The following UBE3D variants were observed in gnomAD, a reference collection of about 807,000 sequenced individuals.
The protein encoded by UBE3D is ubiquitin protein ligase E3D, also known as E3 ubiquitin-protein ligase E3D.
UBE3D carries 48 observed loss-of-function variants against 49.6 expected under a neutral mutation model. That is an observed-to-expected ratio of 0.97 (90% CI 0.77 to 1.23). The LOEUF (loss-of-function observed/expected upper bound fraction) is 1.23, where lower values mean the gene tolerates loss of function less well. Ranked by LOEUF, UBE3D falls within the 50% of genes most tolerant of loss-of-function variation. The probability of loss-of-function intolerance (pLI) is 0.00; values close to 1 mark genes in which losing one functional copy is unlikely to be tolerated. For synonymous variants in UBE3D, 189 were observed against 174.2 expected, an observed-to-expected ratio of 1.08 and a Z score of -0.67; for missense variants, 452 against 468.4, an observed-to-expected ratio of 0.96 and a Z score of 0.32.
At chr6:83,036,606 T>C (rs1167068358) in intron 5 of UBE3D, 1 of 152,202 alleles carries the variant, frequency 6.6e-6, no homozygotes, top group Admixed American at 6.5e-5. Flanking sequence ...CTCAAATATT[T>C]GGTGATTCTC....
chr6:82,887,091 G>A, the UBE3D span, among the ~76,000 whole-genome samples: 1 of 151,824 alleles, frequency 6.6e-6, no homozygotes, highest in African/African-American at 2.4e-5. Flanking sequence ...ACCACTTGAG[G>A]CCAGAAGTTC....
chr6:82,942,779 C>T (rs1183703092), intron 9 of UBE3D, among the ~76,000 whole-genome samples: 1 of 152,204 alleles, frequency 6.6e-6, no homozygotes, highest in East Asian at 1.9e-4. Context: ...CAGAGGTTGC[C>T]GCAGGCACAG....
chr6:82,956,758 T>C (rs539641073), intron 9 of UBE3D, among the ~76,000 whole-genome samples: 19 of 152,324 alleles, frequency 1.2e-4, no homozygotes, highest in Admixed American at 2.6e-4. Context: ...CCTGGAGTTA[T>C]ACAGCTGTGA....
In UBE3D at chr6:83,000,604, T is replaced by C. The variant is rs900122380; in HGVS notation, c.1010+18369A>G. On this transcript the variant is annotated intron_variant, in intron 8 of 9. Coordinates refer to ENST00000369747, the MANE Select transcript of UBE3D (RefSeq NM_198920.3). ...AATTAAACCACCTCTTGCTTCTCTC[T>C]GGATAAAATGTTCAATCGGTTCTTA... Among the ~76,000 whole-genome samples, 5 of 152,382 alleles carry C rather than the reference T, an allele frequency of 3.3e-5. No individual in the cohort carries two copies. In the East Asian group the frequency reaches 9.6e-4, roughly 29 times the overall value.
intron 5 of UBE3D, among the ~76,000 whole-genome samples, chr6:83,025,363 T>C (rs1582672684): frequency 6.6e-6 from 1 of 152,134 alleles, no homozygotes. Context: ...AACACAATCA[T>C]CTTGGAGTTC....
intron 7 of UBE3D, 48 bp from the exon 8 acceptor site, chr6:83,019,184 T>C: frequency 1.3e-6 from 2 of 1,534,044 alleles, no homozygotes; most frequent in Non-Finnish European, 1.8e-6. Context: ...TGTCACCTTA[T>C]CCATATCTTA....
At chr6:83,051,495 T>TGGTAAAG (rs1783467520) in intron 3 of UBE3D, among the ~76,000 whole-genome samples, 1 of 152,228 alleles carries the variant, frequency 6.6e-6, no homozygotes. Context: ...TATCCTTTAC[T>TGGTAAAG]GTAAGCAGAA....
At chr6:83,050,673 C>T (rs775806275) in intron 3 of UBE3D, among the ~76,000 whole-genome samples, 8 of 152,226 alleles carry the variant, frequency 5.3e-5, no homozygotes, top group Middle Eastern at 3.4e-3. Flanking sequence ...CAGATAACTG[C>T]GGGAGAAATA....
At chr6:83,034,941 G>A (rs758265761) in intron 5 of UBE3D, among the ~76,000 whole-genome samples, 106 of 152,180 alleles carry the variant, frequency 7.0e-4, no homozygotes, top group Admixed American at 1.6e-3. Context: ...CCAGCACTTG[G>A]AAGGCTGAGG....
Position 82,940,512 on chromosome 6 carries a change from G to A in UBE3D, c.1149+16800C>T, listed in dbSNP as rs534444237. On this transcript the variant is annotated intron_variant, in intron 9 of 9. Transcript: ENST00000369747. ...AAATAGTGGACACATCCAGGGACCC[G>A]AAGGTGCCAACACCACTCCCATCTC... Among the ~76,000 whole-genome samples the A allele has an allele frequency of 8.5e-5, 13 of 152,308 alleles. No homozygotes were observed. The South Asian group carries it at 2.3e-3, about 27-fold the overall frequency.
the UBE3D span, among the ~76,000 whole-genome samples, chr6:82,885,274 A>G: frequency 5.9e-4 from 90 of 152,152 alleles, 1 homozygote; most frequent in East Asian, 0.016. Context: ...CTTCTCCTCA[A>G]CCTACCTTGT....
intron 9 of UBE3D, among the ~76,000 whole-genome samples, chr6:82,922,952 GA>G (rs1415702478): frequency 1.3e-5 from 2 of 152,166 alleles, no homozygotes; most frequent in African/African-American, 4.8e-5. Context: ...ACAGACATAT[GA>G]AAAAATGCTC....
At chr6:82,986,486 A>C (rs1778511137) in intron 8 of UBE3D, among the ~76,000 whole-genome samples, 1 of 149,896 alleles carries the variant, frequency 6.7e-6, no homozygotes, top group South Asian at 2.1e-4. Flanking sequence ...AAAAAAAAAA[A>C]AAAAAAAAAA....
intron 9 of UBE3D, among the ~76,000 whole-genome samples, chr6:82,924,069 C>A (rs1582359810): frequency 6.7e-6 from 1 of 150,218 alleles, no homozygotes; most frequent in Non-Finnish European, 1.5e-5. Flanking sequence ...CAGAAGCATG[C>A]ATATGCACAA....
At chr6:82,997,447 C>T (rs1158268557) in intron 8 of UBE3D, among the ~76,000 whole-genome samples, 2 of 152,120 alleles carry the variant, frequency 1.3e-5, no homozygotes, top group East Asian at 3.9e-4. Flanking sequence ...TGCCCGGGTG[C>T]AGTGGCTCAC....
chr6:82,893,170 ACT>A (rs1179257761), intron 9 of UBE3D, 128 bp from the exon 10 acceptor site: 31 of 1,042,458 alleles, frequency 3.0e-5, no homozygotes, highest in Non-Finnish European at 4.5e-5. Context: ...CAGAAAAATG[ACT>A]CTTAGTGGAT....
chr6:82,994,814 C>A (rs11758364), intron 8 of UBE3D, among the ~76,000 whole-genome samples: 21,677 of 152,088 alleles, frequency 0.14, 1,645 homozygotes, highest in African/African-American at 0.17. Context: ...TAGACATACA[C>A]ATAAGAGGAA....
At chr6:82,987,183 T>C (rs1361401432) in intron 8 of UBE3D, among the ~76,000 whole-genome samples, 1 of 152,196 alleles carries the variant, frequency 6.6e-6, no homozygotes, top group East Asian at 1.9e-4. Context: ...TCTTTCTTTT[T>C]TTATTGTTAT....
intron 8 of UBE3D, among the ~76,000 whole-genome samples, chr6:82,966,736 CA>C (rs1343264925): frequency 2.1e-5 from 3 of 143,082 alleles, no homozygotes; most frequent in East Asian, 2.1e-4. Flanking sequence ...TTAAATTTAA[CA>C]AAAAAAGAAT....
Sources: allele counts gnomAD v4.1 joint callset (sites outside exome capture counted in the v4.1 genomes callset), GRCh38; gene constraint gnomAD v4.1.1; transcripts MANE v1.5; gene names NCBI Gene and HGNC (gene_info 2026-07-23, HGNC 2026-07-21).